The following NUMA1 variants were observed in gnomAD, a reference collection of about 807,000 sequenced individuals.
The protein encoded by NUMA1 is SP-H antigen.
Under a neutral mutation model 237.1 loss-of-function variants are expected in NUMA1, and 62 were observed. The ratio of observed to expected loss-of-function variants is 0.26; its 90% CI spans 0.21 to 0.32. The LOEUF is 0.32. Ranked by LOEUF, NUMA1 falls within the 10% of genes least tolerant of loss-of-function variation. The pLI is 1.00. For synonymous variants in NUMA1, 1,028 were observed against 1,066.1 expected (o/e 0.96, Z 0.70); for missense variants, 2,533 against 2,666.5 (o/e 0.95, Z 1.10).
At chr11:72,033,008 G>T (rs540663771) in intron 3 of NUMA1, among the ~76,000 whole-genome samples, 6 of 151,964 alleles carry the variant, frequency 3.9e-5, no homozygotes, top group Non-Finnish European at 8.8e-5. Context: ...ACTGTAGTTG[G>T]AATTATCATG....
chr11:72,022,198 C>G, intron 7 of NUMA1, 141 bp downstream of exon 7: 1 of 595,280 alleles, frequency 1.7e-6, no homozygotes, highest in South Asian at 2.3e-5. Flanking sequence ...CAACGTTTCC[C>G]AGACTTTCTA....
rs751430317 is a variant in NUMA1 at position 72,014,029 on chromosome 11, A to G, written c.3474T>C (p.Ala1158=). ...GAGTCTCCAGAGCACTGTCCCGCTC[A>G]GCCCGGGAGGCCCGCTCAGCCTCGA... ...RSLEAERASR[A]ERDSALETLQ... is the part of the protein sequence containing the mutation. Residue 1158 remains alanine (A), a synonymous_variant, in exon 15 of 27, where the codon GCT becomes GCC. Coordinates refer to ENST00000393695, the MANE Select transcript of NUMA1 (RefSeq NM_006185.4). The surrounding 1 kb of genome is among the most constrained non-coding windows in gnomAD (Gnocchi z 4.6). 1 of 1,611,416 alleles carries G rather than the reference A, an allele frequency of 6.2e-7. No homozygotes were observed. Among genetic ancestry groups the G allele is most frequent in the Non-Finnish European group, 8.5e-7 (1 of 1,179,942 alleles).
chr11:72,010,426 T>A (rs145174141), intron 17 of NUMA1, among the ~76,000 whole-genome samples: 16 of 152,364 alleles, frequency 1.1e-4, no homozygotes, highest in African/African-American at 3.8e-4. Flanking sequence ...AATGGTGGAA[T>A]GTTCTGTATC....
At chr11:72,041,921 C>G (rs1453844597) in intron 2 of NUMA1, 1 of 152,358 alleles carries the variant, frequency 6.6e-6, no homozygotes, top group Non-Finnish European at 1.5e-5. Context: ...GGAGTACAGG[C>G]CTGCGCTGTC....
intron 2 of NUMA1, among the ~76,000 whole-genome samples, chr11:72,057,086 A>G (rs1214412620): frequency 6.6e-6 from 1 of 152,078 alleles, no homozygotes; most frequent in Admixed American, 6.5e-5. Context: ...AAAAAAAAAA[A>G]AAAGAAAGAA....
chr11:72,019,901 C>G (rs1938509204), intron 8 of NUMA1, among the ~76,000 whole-genome samples: 1 of 152,098 alleles, frequency 6.6e-6, no homozygotes, highest in South Asian at 2.1e-4. Context: ...GAAACTGCAC[C>G]AAGTGCTCAA....
chr11:72,008,972 C>T lies in NUMA1; in HGVS notation c.5053G>A (p.Ala1685Thr). The change falls in exon 19 of 27, where the codon GCA becomes ACA. Residue 1685 changes from alanine (A) to threonine (T), a missense_variant. Physicochemically the swap from Ala to Thr is moderately conservative, Grantham distance 58. Coordinates refer to ENST00000393695, the MANE Select transcript of NUMA1 (RefSeq NM_006185.4). Reference protein sequence around the residue: ...HLTAQVRSLEAQVAHADQQLR... With the variant: ...HLTAQVRSLETQVAHADQQLR... ...TCTGCCAGCCAAATTCTTACCTGTG[C>T]CTCCAGGCTGCGCACCTGGGCAGTA... 1 of 1,613,980 alleles carries T rather than the reference C, an allele frequency of 6.2e-7. No homozygotes were observed. Among genetic ancestry groups the T allele is most frequent in the Admixed American group, 1.7e-5 (1 of 60,026 alleles).
At chr11:72,017,580 A>C (rs948936463) in intron 13 of NUMA1, 107 bp downstream of exon 13, 1 of 1,359,816 alleles carries the variant, frequency 7.4e-7, no homozygotes, top group Non-Finnish European at 1.0e-6. Context: ...TGAACCTTGA[A>C]GAGAAAGCAA....
intron 3 of NUMA1, among the ~76,000 whole-genome samples, chr11:72,033,812 G>A (rs537331324): frequency 6.6e-6 from 1 of 152,190 alleles, no homozygotes; most frequent in South Asian, 2.1e-4. Context: ...CTGGAGCTCA[G>A]GAATTCAAGA....
Position 72,014,496 on chromosome 11 carries a change from C to T in NUMA1, c.3007G>A (p.Glu1003Lys). 2 of 1,602,126 alleles carry T rather than the reference C, an allele frequency of 1.2e-6. No individual in the cohort carries two copies. The highest frequency in any genetic ancestry group is 2.2e-5 in the South Asian group (2 of 91,064). The change falls in exon 15 of 27, where the codon GAA becomes AAA. Residue 1003 changes from glutamate to lysine, a missense_variant. Glu to Lys is a moderately conservative substitution (Grantham distance 56). Coordinates refer to ENST00000393695, the MANE Select transcript of NUMA1 (RefSeq NM_006185.4). The surrounding 1 kb of genome is among the most constrained non-coding windows in gnomAD (Gnocchi z 4.6). Reference protein sequence around the residue: ...GQQQEERGQQEREVARLTQER... With the variant: ...GQQQEERGQQKREVARLTQER... The stretch of plus-strand genomic sequence containing the variant: ...TGGGTCAGCCGCGCCACCTCCCTTT[C>T]CTGCTGCCCACGCTCCTCCTGCTGC...
intron 5 of NUMA1, 59 bp from the exon 6 acceptor site, chr11:72,023,206 C>T: frequency 1.6e-6 from 2 of 1,255,222 alleles, no homozygotes; most frequent in Non-Finnish European, 2.3e-6. Flanking sequence ...ACCTGAGATC[C>T]CAGAACACTG....
At chr11:72,021,803 A>AG (rs1443110918) in intron 7 of NUMA1, among the ~76,000 whole-genome samples, 2 of 152,190 alleles carry the variant, frequency 1.3e-5, no homozygotes, top group Non-Finnish European at 2.9e-5. Context: ...TTGTTGAGAC[A>AG]GGGTCTCGCT....
Position 72,027,761 on chromosome 11 carries a change from C to T in NUMA1, c.128+1444G>A, listed in dbSNP as rs184374954. Among the ~76,000 whole-genome samples the T allele has an allele frequency of 1.4e-4, 21 of 152,254 alleles. No homozygotes were observed. In the East Asian group the frequency reaches 3.9e-3, roughly 28 times the overall value. On this transcript the variant is annotated intron_variant, in intron 4 of 26. Coordinates refer to ENST00000393695, the MANE Select transcript of NUMA1 (RefSeq NM_006185.4). Reference sequence around the variant, plus strand: ...AAGATTTGAGAAAGATTCTTGAGAACTCGTGCATAGGAATGAACTGCAATA... The same window carrying T: ...AAGATTTGAGAAAGATTCTTGAGAATTCGTGCATAGGAATGAACTGCAATA...
intron 2 of NUMA1, among the ~76,000 whole-genome samples, chr11:72,038,635 C>T (rs1392741038): frequency 6.6e-6 from 1 of 152,050 alleles, no homozygotes; most frequent in Non-Finnish European, 1.5e-5. Context: ...AGAGTACCAT[C>T]CTCCCCACCC....
At position 72,020,074 on chromosome 11, in the gene NUMA1, T is replaced by C. The variant is rs75048709; in HGVS notation, c.461-457A>G. ...AAAATGCCCTCCTCCTCAAAACCCTTCTCTTTCCGTGGTTTCCGTGACCCC... is the reference window on the plus strand; with the variant it reads ...AAAATGCCCTCCTCCTCAAAACCCTCCTCTTTCCGTGGTTTCCGTGACCCC... On this transcript the variant is annotated intron_variant, in intron 8 of 26. Coordinates refer to ENST00000393695, the MANE Select transcript of NUMA1 (RefSeq NM_006185.4). Among the ~76,000 whole-genome samples the C allele has an allele frequency of 1.8e-3, 275 of 152,176 alleles. 2 individuals carry two copies. Among genetic ancestry groups the C allele is most frequent in the African/African-American group, 6.3e-3 (263 of 41,516 alleles).
chr11:72,009,333 G>A lies in NUMA1; in HGVS notation c.4774C>T (p.Gln1592Ter). ...SQQEAQRLQA[Q>*]LNELQAQLSQ... ...AACTGGGCTTGCAGTTCATTCAGCT[G>A]GGCCTGGAGGCGCTGGGCCTCCTGC... is the stretch of plus-strand genomic sequence containing the variant. Residue 1592 changes from glutamine (Q) to a stop codon, truncating the protein, a stop_gained, in exon 18 of 27, where the codon CAG becomes TAG. Coordinates refer to ENST00000393695, the MANE Select transcript of NUMA1 (RefSeq NM_006185.4). LOFTEE classifies it high-confidence loss of function. 6.2e-7 allele frequency: 1 copy of A among 1,613,190 alleles called. No individual in the cohort carries two copies. Among genetic ancestry groups the A allele is most frequent in the Non-Finnish European group, 8.5e-7 (1 of 1,179,960 alleles).
Position 72,015,069 on chromosome 11 carries a change from C to G in NUMA1, c.2434G>C (p.Ala812Pro). The G allele has an allele frequency of 6.2e-7, 1 of 1,614,082 alleles. No individual in the cohort carries two copies. The highest frequency in any genetic ancestry group is 8.5e-7 in the Non-Finnish European group (1 of 1,180,046). The change falls in exon 15 of 27, where the codon GCC (alanine) becomes CCC (proline). Residue 812 changes from alanine to proline, a missense_variant. Transcript: ENST00000393695. The surrounding 1 kb of genome is among the most constrained non-coding windows in gnomAD (Gnocchi z 4.0). ...ECEQLVKEVA[A>P]WRERYEDSQQ... Reference sequence around the variant, plus strand: ...CTATCCTCATACCGCTCACGCCAGGCAGCTACTTCTTTGACGAGCTGCTCA... The same window carrying G: ...CTATCCTCATACCGCTCACGCCAGGGAGCTACTTCTTTGACGAGCTGCTCA...
At chr11:72,059,918 A>G (rs2136144672) in intron 2 of NUMA1, among the ~76,000 whole-genome samples, 1 of 152,372 alleles carries the variant, frequency 6.6e-6, no homozygotes, top group East Asian at 1.9e-4. Flanking sequence ...TCAATATATA[A>G]GATAGAATAT....
chr11:72,046,369 A>AC (rs1941998683), intron 2 of NUMA1, among the ~76,000 whole-genome samples: 1 of 152,014 alleles, frequency 6.6e-6, no homozygotes, highest in Non-Finnish European at 1.5e-5. Flanking sequence ...ACATGGAGAA[A>AC]CCCCATCTCT....
Sources: gnomAD v4.1 joint callset for allele counts (sites outside exome capture counted in the v4.1 genomes callset) on GRCh38, gnomAD v4.1.1 for gene constraint, Gnocchi (gnomAD v3.1) non-coding constraint, MANE v1.5 for transcripts, NCBI Gene and HGNC (gene_info 2026-07-23, HGNC 2026-07-21) for gene names.